MRPL45: variants seen among roughly 807,000 people sequenced by gnomAD.
The protein encoded by MRPL45 is large ribosomal subunit protein mL45.
Under a neutral mutation model 38.1 loss-of-function variants are expected in MRPL45, and 20 were observed. The ratio of observed to expected loss-of-function variants is 0.53; its 90% CI spans 0.37 to 0.76. MRPL45 has a LOEUF of 0.76. Among genes scored for constraint, MRPL45 ranks in the 30% least tolerant of loss-of-function variants. MRPL45 has a pLI of 0.00. For missense variants in MRPL45, 337 were observed against 395.6 expected (o/e 0.85, Z 1.26); for synonymous variants, 105 against 128.8 (o/e 0.82, Z 1.25).
chr17:38,298,752 T>G, intron 2 of MRPL45, 126 bp downstream of exon 2: 2 of 1,302,986 alleles, frequency 1.5e-6, no homozygotes. Context: ...CAATAATGAT[T>G]AACCTTATAT....
chr17:38,301,962 A>AG (rs2037000657), intron 3 of MRPL45, among the ~76,000 whole-genome samples: 1 of 151,924 alleles, frequency 6.6e-6, no homozygotes. Flanking sequence ...CTAAAAATAC[A>AG]AAAAATTAGC....
intron 3 of MRPL45, among the ~76,000 whole-genome samples, chr17:38,302,486 C>CA (rs1301214106): frequency 0.053 from 2,965 of 55,752 alleles, 115 homozygotes; most frequent in Middle Eastern, 0.16. Context: ...GACTCCATCT[C>CA]AAAAAAAAAA....
At chr17:38,317,152 A>G (rs933575099) in intron 4 of MRPL45, among the ~76,000 whole-genome samples, 3 of 152,194 alleles carry the variant, frequency 2.0e-5, no homozygotes, top group Middle Eastern at 3.2e-3. Context: ...TTATTGCAAA[A>G]TAGTAAGTGA....
chr17:38,322,338 ACTCGTGGT>A, intron 7 of MRPL45, 39 bp downstream of exon 7: 11 of 1,582,354 alleles, frequency 7.0e-6, no homozygotes, highest in Non-Finnish European at 9.5e-6. Context: ...CTGAGGCACT[ACTCGTGGT>A]CTCCTAAGCC....
At chr17:38,309,617 A>AT (rs1555561585) in intron 4 of MRPL45, among the ~76,000 whole-genome samples, 3 of 33,964 alleles carry the variant, frequency 8.8e-5, no homozygotes, top group African/African-American at 1.2e-4. Flanking sequence ...TTAAATTTTT[A>AT]TTTTTATTTT....
chr17:38,302,774 G>C (rs1211750962), intron 3 of MRPL45, among the ~76,000 whole-genome samples: 2 of 150,442 alleles, frequency 1.3e-5, no homozygotes, highest in Admixed American at 1.3e-4. Context: ...ACCCAGGCTG[G>C]AGTGCAGTGG....
Position 38,322,156 on chromosome 17 carries a change from T to C in MRPL45, c.691T>C (p.Leu231=). The C allele has an allele frequency of 1.2e-6, 2 of 1,613,970 alleles. No homozygotes were observed. Among genetic ancestry groups the C allele is most frequent in the Non-Finnish European group, 1.7e-6 (2 of 1,179,992 alleles). ...GGCCATCTATGACCGGTTTGGCCGG[T>C]TGATGTATGGACAGGAAGATGTACC... ...TLAIYDRFGR[L]MYGQEDVPKD... is the part of the protein sequence containing the mutation. Residue 231 remains leucine, a synonymous_variant, in exon 7 of 8, where the codon TTG becomes CTG. Coordinates refer to ENST00000613675, the MANE Select transcript of MRPL45 (RefSeq NM_032351.6).
intron 3 of MRPL45, among the ~76,000 whole-genome samples, chr17:38,301,218 A>G (rs796114535): frequency 1.3e-5 from 2 of 151,878 alleles, no homozygotes; most frequent in South Asian, 4.2e-4. Context: ...CTTTGCCTGA[A>G]ATGTCTTTTT....
rs2037219687 is a variant in MRPL45 at position 38,320,614 on chromosome 17, T to G, written c.511-4T>G. 1.2e-6 allele frequency: 2 copies of G among 1,614,038 alleles called. No homozygotes were observed. The highest frequency in any genetic ancestry group is 4.5e-5 in the East Asian group (2 of 44,884). On this transcript the variant is annotated splice_polypyrimidine_tract_variant and splice_region_variant and intron_variant, in intron 5 of 7. Coordinates refer to ENST00000613675, the MANE Select transcript of MRPL45 (RefSeq NM_032351.6). ...CAGTTGAACTTGTTCTCCTTTGCCC[T>G]TAGGACATGACTTGGGACATCAAAT... is the stretch of plus-strand genomic sequence containing the variant.
At chr17:38,319,006 T>C (rs1367346750) in intron 5 of MRPL45, among the ~76,000 whole-genome samples, 1 of 117,792 alleles carries the variant, frequency 8.5e-6, no homozygotes, top group African/African-American at 4.1e-5. Flanking sequence ...TTTTTATTTA[T>C]TTATTTATTT....
At chr17:38,302,505 A>AAAAT (rs1567713066) in intron 3 of MRPL45, among the ~76,000 whole-genome samples, 1 of 50,590 alleles carries the variant, frequency 2.0e-5, no homozygotes, top group Non-Finnish European at 4.9e-5. Context: ...AAAAAAAAAA[A>AAAAT]GTTTGTTTTT....
intron 4 of MRPL45, among the ~76,000 whole-genome samples, chr17:38,318,419 C>A (rs1428309153): frequency 6.6e-6 from 1 of 151,490 alleles, no homozygotes; most frequent in Non-Finnish European, 1.5e-5. Context: ...CCTCCTACTC[C>A]TTAGATTTAA....
chr17:38,301,159 A>G (rs910554543), intron 3 of MRPL45, among the ~76,000 whole-genome samples: 7 of 152,024 alleles, frequency 4.6e-5, no homozygotes, highest in Non-Finnish European at 7.4e-5. Context: ...CTAATTGCCA[A>G]TTCCTTGCCA....
chr17:38,322,625 G>A lies in MRPL45; in HGVS notation c.*30G>A. 1.3e-6 allele frequency: 2 copies of A among 1,558,502 alleles called. No homozygotes were observed. Among genetic ancestry groups the A allele is most frequent in the Non-Finnish European group, 1.8e-6 (2 of 1,134,656 alleles). ...AAAAATGACTTCTAGGGTGAAGCCT[G>A]GGTGATGAGGCTGCTGGAAGCTTTG... On this transcript the variant is annotated 3_prime_UTR_variant, in exon 8 of 8. Coordinates refer to ENST00000613675, the MANE Select transcript of MRPL45 (RefSeq NM_032351.6).
intron 3 of MRPL45, among the ~76,000 whole-genome samples, chr17:38,300,721 CGGAT>C (rs2077502642): frequency 6.6e-6 from 1 of 151,824 alleles, no homozygotes; most frequent in South Asian, 2.1e-4. Flanking sequence ...CTGAGGTGGG[CGGAT>C]CACCTGAGGT....
At chr17:38,313,314 A>ATATATATATATATATATACG (rs2037136085) in intron 4 of MRPL45, among the ~76,000 whole-genome samples, 1 of 1,440 alleles carries the variant, frequency 6.9e-4, no homozygotes. Flanking sequence ...AAAAAAAAAT[A>ATATATATATATATATATACG]TATATATATA....
intron 3 of MRPL45, among the ~76,000 whole-genome samples, chr17:38,300,685 GTCT>G (rs1434094767): frequency 1.3e-5 from 2 of 152,038 alleles, no homozygotes; most frequent in Non-Finnish European, 2.9e-5. Flanking sequence ...GGTGGCTCAC[GTCT>G]GTAATCCCAG....
intron 3 of MRPL45, among the ~76,000 whole-genome samples, chr17:38,301,843 C>A (rs926132506): frequency 1.3e-5 from 2 of 152,052 alleles, no homozygotes; most frequent in South Asian, 2.1e-4. Context: ...AATGGCCGGG[C>A]GAGGTGGCTC....
chr17:38,308,442 G>T (rs76414535), intron 4 of MRPL45, among the ~76,000 whole-genome samples: 24 of 122,468 alleles, frequency 2.0e-4, no homozygotes, highest in East Asian at 7.3e-4. Flanking sequence ...TTTTTTTTTT[G>T]TTTGTTTGTT....
Sources: gnomAD v4.1 joint callset for allele counts (sites outside exome capture counted in the v4.1 genomes callset) on GRCh38, gnomAD v4.1.1 for gene constraint, MANE v1.5 for transcripts, NCBI Gene and HGNC (gene_info 2026-07-23, HGNC 2026-07-21) for gene names.